Variants in VIPR1 observed in about 807,000 individuals in gnomAD.
The protein encoded by VIPR1 is vasoactive intestinal peptide receptor 1.
A neutral mutation model predicts 58.8 loss-of-function variants in VIPR1; 59 were observed. The ratio of observed to expected loss-of-function variants is 1.00; its 90% CI spans 0.81 to 1.25. The LOEUF (loss-of-function observed/expected upper bound fraction) is 1.25, where lower values mean the gene tolerates loss of function less well. Ranked by LOEUF, VIPR1 falls within the 50% of genes most tolerant of loss-of-function variation. The pLI, the probability that VIPR1 is intolerant of heterozygous loss-of-function variation, is 0.00. For synonymous variants in VIPR1, 251 were observed against 242.1 expected, an observed-to-expected ratio of 1.04 and a Z score of -0.34; for missense variants, 626 against 602.7, an observed-to-expected ratio of 1.04 and a Z score of -0.40.
intron 1 of VIPR1, chr3:42,512,309 G>A (rs1319469908): frequency 1.3e-5 from 2 of 152,260 alleles, no homozygotes; most frequent in East Asian, 3.9e-4. Context: ...AGGAATGAGA[G>A]AGCTGTTTGG....
upstream of VIPR1, among the ~76,000 whole-genome samples, chr3:42,499,725 A>G (rs1472917056): frequency 1.3e-5 from 2 of 152,096 alleles, no homozygotes; most frequent in African/African-American, 4.8e-5. Context: ...GATTGGGACC[A>G]CAGGCTTCCC....
chr3:42,502,766 T>C lies in VIPR1; in HGVS notation c.31T>C (p.Trp11Arg). 7.7e-7 allele frequency: 1 copy of C among 1,297,970 alleles called. No individual in the cohort carries two copies. The highest frequency in any genetic ancestry group is 9.7e-7 in the Non-Finnish European group (1 of 1,025,870). The allele number at this position is 1,297,970 out of a possible 1,614,324, so 80.4% of individuals were successfully genotyped here. ...CCCGCCAAGTCCGCTGCCCGCCCGC[T>C]GGCTATGCGTGCTGGCAGGCGCCCT... MRPPSPLPARWLCVLAGALAW... is the reference protein window; with the variant it reads MRPPSPLPARRLCVLAGALAW... Residue 11 changes from tryptophan (W) to arginine (R), a missense_variant, in exon 1 of 13, where the codon TGG becomes CGG. Physicochemically the swap from Trp to Arg is moderately radical, Grantham distance 101 (BLOSUM62 -3). Coordinates refer to ENST00000325123, the MANE Select transcript of VIPR1 (RefSeq NM_004624.4).
chr3:42,497,366 C>G (rs1046301061), intron 1 of VIPR1, among the ~76,000 whole-genome samples: 1 of 152,206 alleles, frequency 6.6e-6, no homozygotes, highest in African/African-American at 2.4e-5. Context: ...TCTCAGACCC[C>G]TGGCTGGAAG....
chr3:42,513,521 G>C (rs1700464582), intron 1 of VIPR1: 3 of 513,796 alleles, frequency 5.8e-6, no homozygotes, highest in Admixed American at 3.3e-5. Context: ...CAGCACTAAT[G>C]GGGGAGCCAT....
chr3:42,530,730 G>A, intron 6 of VIPR1, 49 bp from the exon 7 acceptor site: 5 of 1,601,334 alleles, frequency 3.1e-6, no homozygotes, highest in Non-Finnish European at 4.3e-6. Context: ...GGGCAGTCAA[G>A]GACCCTTGAC....
intron 6 of VIPR1, chr3:42,528,450 TG>T (rs1701357103): frequency 3.3e-6 from 1 of 299,872 alleles, no homozygotes; most frequent in African/African-American, 2.1e-5. Context: ...TATGTGGCCT[TG>T]GGGAACTTAC....
chr3:42,512,814 C>T (rs575679284), intron 1 of VIPR1: 9 of 985,464 alleles, frequency 9.1e-6, no homozygotes, highest in Admixed American at 1.2e-4. Flanking sequence ...AAGCCAAAGA[C>T]GCAGAAGGTG....
chr3:42,514,372 T>G (rs1287378960), intron 2 of VIPR1, among the ~76,000 whole-genome samples: 1 of 152,008 alleles, frequency 6.6e-6, no homozygotes, highest in African/African-American at 2.4e-5. Context: ...AGGGACCACA[T>G]GGAAGCTCAA....
chr3:42,519,337 C>A lies in VIPR1; in HGVS notation c.292+7C>A, dbSNP rs765040429. ...CTCTTCTCCTCCATTCAAGGTAAGA[C>A]CCCTGGGTTGAAGAGGTGATGTGAG... On this transcript the variant is annotated splice_region_variant and intron_variant, in intron 3 of 12. Coordinates refer to ENST00000325123, the MANE Select transcript of VIPR1 (RefSeq NM_004624.4). The A allele has an allele frequency of 1.3e-6, 2 of 1,597,340 alleles. No individual in the cohort carries two copies. Among genetic ancestry groups the A allele is most frequent in the South Asian group, 1.1e-5 (1 of 88,348 alleles).
At position 42,502,781 on chromosome 3, in the gene VIPR1, G is replaced by A; in HGVS notation, c.46G>A (p.Ala16Thr). 7.8e-7 allele frequency: 1 copy of A among 1,287,826 alleles called. No individual in the cohort carries two copies. The highest frequency in any genetic ancestry group is 9.8e-7 in the Non-Finnish European group (1 of 1,019,446). 79.8% of individuals were successfully genotyped at this position (1,287,826 alleles called of 1,614,324 possible). ...PLPARWLCVLAGALAWALGPA... is the reference protein window; with the variant it reads ...PLPARWLCVLTGALAWALGPA... ...GCCCGCCCGCTGGCTATGCGTGCTG[G>A]CAGGCGCCCTCGCCTGGGCCCTTGG... The change falls in exon 1 of 13, where the codon GCA becomes ACA. Residue 16 changes from alanine to threonine, a missense_variant. Ala to Thr is a moderately conservative substitution (Grantham distance 58, BLOSUM62 0). Transcript: ENST00000325123.
intron 1 of VIPR1, among the ~76,000 whole-genome samples, chr3:42,491,084 ACAGGAGGATGCCCGTGCGC>A (rs1443241811): frequency 1.3e-5 from 2 of 152,196 alleles, no homozygotes; most frequent in African/African-American, 2.4e-5. Flanking sequence ...GCAAACTTTG[ACAGGAGGATGCCCGTGCGC>A]AGAACCCACA....
chr3:42,522,106 T>C, intron 3 of VIPR1, among the ~76,000 whole-genome samples: 1 of 43,730 alleles, frequency 2.3e-5, no homozygotes, highest in Non-Finnish European at 3.7e-5. Flanking sequence ...TATATATTTT[T>C]TTTTTTTTTT....
At chr3:42,530,702 C>A in intron 6 of VIPR1, 77 bp from the exon 7 acceptor site, 6 of 1,509,434 alleles carry the variant, frequency 4.0e-6, no homozygotes, top group Non-Finnish European at 5.4e-6. Context: ...CTGTGTTTGT[C>A]CCCCCAGACA....
In VIPR1 at chr3:42,513,811, C is replaced by A. The variant is rs1274844595; in HGVS notation, c.141C>A (p.His47Gln). 6.4e-7 allele frequency: 1 copy of A among 1,551,672 alleles called. No homozygotes were observed. The highest frequency in any genetic ancestry group is 2.0e-5 in the Admixed American group (1 of 51,008). Reference sequence around the variant, plus strand: ...ATGTGCAGATGATCGAGGTGCAGCACAAGCAGTGCCTGGAGGAGGCCCAGC... The same window carrying A: ...ATGTGCAGATGATCGAGGTGCAGCAAAAGCAGTGCCTGGAGGAGGCCCAGC... ...CDYVQMIEVQHKQCLEEAQLE... is the reference protein window; with the variant it reads ...CDYVQMIEVQQKQCLEEAQLE... Residue 47 changes from histidine (H) to glutamine (Q), a missense_variant, in exon 2 of 13, where the codon CAC (histidine) becomes CAA (glutamine). Transcript: ENST00000325123.
chr3:42,495,168 C>T (rs1215608785), intron 1 of VIPR1, among the ~76,000 whole-genome samples: 1 of 152,158 alleles, frequency 6.6e-6, no homozygotes, highest in Non-Finnish European at 1.5e-5. Context: ...GTCACCCAGG[C>T]TGGAGTGCAG....
intron 1 of VIPR1, among the ~76,000 whole-genome samples, chr3:42,511,428 C>A (rs1483016637): frequency 6.6e-6 from 1 of 152,176 alleles, no homozygotes; most frequent in Non-Finnish European, 1.5e-5. Flanking sequence ...CTCTGATGGA[C>A]TTAAGCCTTG....
intron 4 of VIPR1, 74 bp from the exon 5 acceptor site, chr3:42,527,319 C>T: frequency 7.1e-7 from 1 of 1,408,648 alleles, no homozygotes; most frequent in Non-Finnish European, 1.0e-6. Context: ...TGTAGGGCAC[C>T]CCACCCCTGC....
At chr3:42,525,510 C>T (rs2239499) in intron 3 of VIPR1, among the ~76,000 whole-genome samples, 32,181 of 151,978 alleles carry the variant, frequency 0.21, 4,606 homozygotes, top group African/African-American at 0.4. Context: ...CTTCCCCCAG[C>T]CGTGGCCTTG....
chr3:42,500,253 TG>T (rs1699840967), upstream of VIPR1: 3 of 152,110 alleles, frequency 2.0e-5, no homozygotes, highest in South Asian at 6.2e-4. Flanking sequence ...AAGGGTAGTG[TG>T]GGCCCCCCTC....
Sources: gnomAD v4.1 joint callset for allele counts (sites outside exome capture counted in the v4.1 genomes callset) on GRCh38, gnomAD v4.1.1 for gene constraint, MANE v1.5 for transcripts, NCBI Gene and HGNC (gene_info 2026-07-23, HGNC 2026-07-21) for gene names.